The following KHDRBS2 variants were observed in gnomAD, a reference collection of about 807,000 sequenced individuals.
KHDRBS2 encodes KH RNA binding domain containing, signal transduction associated 2.
KHDRBS2 carries 26 observed loss-of-function variants against 44.3 expected under a neutral mutation model. The ratio of observed to expected loss-of-function variants is 0.59; its 90% CI spans 0.43 to 0.81. The LOEUF is 0.81. Among genes scored for constraint, KHDRBS2 ranks in the 40% least tolerant of loss-of-function variants. The pLI is 0.00. For synonymous variants in KHDRBS2, 194 were observed against 151.1 expected, an observed-to-expected ratio of 1.28 and a Z score of -2.08; for missense variants, 476 against 433.1, an observed-to-expected ratio of 1.10 and a Z score of -0.88.
intron 7 of KHDRBS2, among the ~76,000 whole-genome samples, chr6:61,702,745 A>G (rs1676494861): frequency 1.3e-5 from 2 of 151,950 alleles, no homozygotes; most frequent in Non-Finnish European, 2.9e-5. Flanking sequence ...TGATAAAAAT[A>G]AAATTCAAAT....
At chr6:61,585,096 C>T in the KHDRBS2 span, among the ~76,000 whole-genome samples, 1 of 151,766 alleles carries the variant, frequency 6.6e-6, no homozygotes, top group Non-Finnish European at 1.5e-5. Context: ...AAAAGAGCTG[C>T]AGCAAAACAA....
chr6:61,938,402 G>A (rs1357663498), intron 4 of KHDRBS2, among the ~76,000 whole-genome samples: 2 of 152,118 alleles, frequency 1.3e-5, no homozygotes, highest in Non-Finnish European at 2.9e-5. Context: ...AGATGAGGAT[G>A]AGCAAAGTAT....
intron 6 of KHDRBS2, among the ~76,000 whole-genome samples, chr6:61,800,914 T>C (rs1365394518): frequency 6.6e-6 from 1 of 152,096 alleles, no homozygotes; most frequent in Non-Finnish European, 1.5e-5. Flanking sequence ...CATGGGTATC[T>C]AAATATTATC....
the KHDRBS2 span, among the ~76,000 whole-genome samples, chr6:61,655,661 G>C: frequency 6.6e-6 from 1 of 152,028 alleles, no homozygotes; most frequent in African/African-American, 2.4e-5. Context: ...TTTTAATTTG[G>C]CTAGAAATGC....
At chr6:61,705,843 A>G (rs1258898474) in intron 7 of KHDRBS2, among the ~76,000 whole-genome samples, 2 of 151,780 alleles carry the variant, frequency 1.3e-5, no homozygotes, top group Admixed American at 6.6e-5. Flanking sequence ...TCAGATACCC[A>G]ATAACCCTAC....
At chr6:61,888,078 T>G (rs904236643) in intron 6 of KHDRBS2, among the ~76,000 whole-genome samples, 1 of 152,242 alleles carries the variant, frequency 6.6e-6, no homozygotes, top group Admixed American at 6.5e-5. Flanking sequence ...TAGTATGTTC[T>G]CCTAGATACG....
chr6:61,693,873 C>A (rs925368979), intron 8 of KHDRBS2, among the ~76,000 whole-genome samples: 5 of 152,138 alleles, frequency 3.3e-5, no homozygotes, highest in Non-Finnish European at 5.9e-5. Context: ...GACCATAACC[C>A]TTGCATCTCC....
chr6:62,034,242 G>A (rs1784851401), intron 3 of KHDRBS2, among the ~76,000 whole-genome samples: 1 of 151,742 alleles, frequency 6.6e-6, no homozygotes, highest in Non-Finnish European at 1.5e-5. Context: ...GCTGAATTCT[G>A]CCAAACACTT....
At chr6:61,673,768 T>A in the KHDRBS2 span, among the ~76,000 whole-genome samples, 1 of 140,478 alleles carries the variant, frequency 7.1e-6, no homozygotes, top group African/African-American at 2.7e-5. Flanking sequence ...CTCAAGGAAA[T>A]AAAAGAGGAT....
chr6:61,615,425 G>A, the KHDRBS2 span, among the ~76,000 whole-genome samples: 1 of 152,014 alleles, frequency 6.6e-6, no homozygotes, highest in African/African-American at 2.4e-5. Context: ...TATTTGAGAT[G>A]TTGTGAGTGG....
chr6:62,022,849 A>T (rs969392074), intron 3 of KHDRBS2, among the ~76,000 whole-genome samples: 3 of 151,602 alleles, frequency 2.0e-5, no homozygotes, highest in African/African-American at 7.2e-5. Flanking sequence ...AAATTCCTTA[A>T]TTTTTGTTGT....
chr6:62,053,351 T>A (rs190767794), intron 2 of KHDRBS2, among the ~76,000 whole-genome samples: 2 of 149,114 alleles, frequency 1.3e-5, no homozygotes, highest in Admixed American at 6.7e-5. Flanking sequence ...AAGCCACTCA[T>A]AAAAGAAAAA....
the KHDRBS2 span, among the ~76,000 whole-genome samples, chr6:61,666,587 C>G: frequency 6.6e-6 from 1 of 151,372 alleles, no homozygotes; most frequent in Admixed American, 6.6e-5. Flanking sequence ...GTGTACAGCA[C>G]AGTGGAACTA....
intron 6 of KHDRBS2, among the ~76,000 whole-genome samples, chr6:61,775,590 G>T (rs753061074): frequency 1.3e-5 from 2 of 151,980 alleles, no homozygotes; most frequent in South Asian, 4.1e-4. Flanking sequence ...TACAAGGGAC[G>T]TGAAGGACCT....
chr6:62,279,844 C>T (rs1188803129), intron 1 of KHDRBS2, among the ~76,000 whole-genome samples: 2 of 152,134 alleles, frequency 1.3e-5, no homozygotes, highest in East Asian at 1.9e-4. Context: ...AGCAGAGGGG[C>T]CAACAGGGGG....
chr6:61,964,452 G>T (rs1371978112), intron 4 of KHDRBS2, among the ~76,000 whole-genome samples: 1 of 151,914 alleles, frequency 6.6e-6, no homozygotes, highest in Non-Finnish European at 1.5e-5. Flanking sequence ...AGACACATTT[G>T]CAAATAGCAT....
chr6:61,613,004 C>T, the KHDRBS2 span, among the ~76,000 whole-genome samples: 1 of 151,916 alleles, frequency 6.6e-6, no homozygotes, highest in Admixed American at 6.6e-5. Context: ...AGGTGCCCGC[C>T]ACAACTCCCG....
intron 4 of KHDRBS2, among the ~76,000 whole-genome samples, chr6:61,955,293 T>C (rs868199014): frequency 2.7e-5 from 4 of 146,602 alleles, no homozygotes; most frequent in Admixed American, 6.8e-5. Flanking sequence ...CATACGTATG[T>C]ATGTATACAT....
chr6:61,767,781 AT>A (rs1380379495), intron 6 of KHDRBS2, among the ~76,000 whole-genome samples: 1 of 152,126 alleles, frequency 6.6e-6, no homozygotes, highest in Non-Finnish European at 1.5e-5. Context: ...GTTTAATTTT[AT>A]CCCCTACTTT....
Sources: allele counts gnomAD v4.1 joint callset (sites outside exome capture counted in the v4.1 genomes callset), GRCh38; gene constraint gnomAD v4.1.1; transcripts MANE v1.5; gene names NCBI Gene and HGNC (gene_info 2026-07-23, HGNC 2026-07-21).